Variants in SCYL2 observed in about 807,000 individuals in gnomAD.
SCYL2 encodes the protein SCY1 like pseudokinase 2, also known as SCY1-like protein 2.
SCYL2 carries 36 observed loss-of-function variants against 100.4 expected under a neutral mutation model. The ratio of observed to expected loss-of-function variants is 0.36; its 90% CI spans 0.27 to 0.47. SCYL2 has a LOEUF of 0.47. Ranked by LOEUF, SCYL2 falls within the 20% of genes least tolerant of loss-of-function variation. The pLI is 1.00. For missense variants in SCYL2, 902 were observed against 1,083.9 expected (o/e 0.83, Z 2.36); for synonymous variants, 330 against 359.2 (o/e 0.92, Z 0.92).
At chr12:100,336,093 T>C (rs956443397) in intron 16 of SCYL2, among the ~76,000 whole-genome samples, 187 bp downstream of exon 16, 1 of 152,192 alleles carries the variant, frequency 6.6e-6, no homozygotes, top group African/African-American at 2.4e-5. Context: ...ACTTAAGATT[T>C]TTAGCTTCCA....
chr12:100,267,817 A>AG (rs2096280755), intron 1 of SCYL2, 25 bp downstream of exon 1: 1 of 152,338 alleles, frequency 6.6e-6, no homozygotes, highest in African/African-American at 2.4e-5. Context: ...CTCAGTTCTG[A>AG]GGTCCGGAAT....
chr12:100,337,041 A>G (rs890804879), intron 16 of SCYL2, among the ~76,000 whole-genome samples: 2 of 152,182 alleles, frequency 1.3e-5, no homozygotes, highest in Non-Finnish European at 2.9e-5. Context: ...TTCCTAAAAT[A>G]TTCTTGGGGT....
chr12:100,338,055 C>CT (rs1952302105), intron 17 of SCYL2, among the ~76,000 whole-genome samples: 1 of 152,206 alleles, frequency 6.6e-6, no homozygotes, highest in Admixed American at 6.5e-5. Context: ...TTTCTTTAAA[C>CT]TATTTTTTTG....
At chr12:100,279,292 T>G (rs2096295701) in intron 1 of SCYL2, among the ~76,000 whole-genome samples, 2 of 152,228 alleles carry the variant, frequency 1.3e-5, no homozygotes, top group Non-Finnish European at 1.5e-5. Flanking sequence ...TTCAGGCTCC[T>G]TTGAGAATCT....
intron 11 of SCYL2, among the ~76,000 whole-genome samples, chr12:100,325,051 G>A (rs1022359043): frequency 2.0e-5 from 3 of 152,270 alleles, no homozygotes; most frequent in Admixed American, 2.0e-4. Context: ...AACACAGCGA[G>A]ACCTCGTCTC....
intron 4 of SCYL2, among the ~76,000 whole-genome samples, chr12:100,307,231 T>TATA (rs2096335683): frequency 2.1e-4 from 32 of 152,198 alleles, no homozygotes; most frequent in Admixed American, 2.1e-3. Flanking sequence ...TCATGCTACC[T>TATA]GACTTCAAAC....
chr12:100,298,238 C>A, intron 4 of SCYL2, 63 bp downstream of exon 4: 2 of 1,206,286 alleles, frequency 1.7e-6, no homozygotes, highest in South Asian at 1.5e-5. Flanking sequence ...TTTGGCATTT[C>A]AAACTTATTA....
intron 13 of SCYL2, 47 bp from the exon 14 acceptor site, chr12:100,334,119 C>A (rs199757519): frequency 2.8e-6 from 3 of 1,060,516 alleles, no homozygotes; most frequent in African/African-American, 3.2e-5. Flanking sequence ...ATTACATTTG[C>A]TGCTAACTTG....
intron 8 of SCYL2, 21 bp downstream of exon 8, chr12:100,314,635 TATTAA>T (rs1218524512): frequency 1.3e-6 from 2 of 1,574,700 alleles, no homozygotes; most frequent in Non-Finnish European, 1.7e-6. Context: ...GTTAGTTTCT[TATTAA>T]TAATCAGGAT....
chr12:100,291,700 C>T, intron 3 of SCYL2, 40 bp downstream of exon 3: 4 of 1,505,594 alleles, frequency 2.7e-6, no homozygotes, highest in Non-Finnish European at 3.6e-6. Flanking sequence ...ACTTCCTGAA[C>T]AAATAGTTAA....
intron 10 of SCYL2, among the ~76,000 whole-genome samples, chr12:100,320,082 T>C (rs953031429): frequency 3.9e-5 from 6 of 152,176 alleles, no homozygotes; most frequent in African/African-American, 7.2e-5. Flanking sequence ...TAATTTACCT[T>C]TTAAATGGAT....
intron 1 of SCYL2, among the ~76,000 whole-genome samples, chr12:100,275,366 T>A (rs2096291482): frequency 1.3e-5 from 2 of 152,294 alleles, no homozygotes; most frequent in Admixed American, 1.3e-4. Flanking sequence ...TGCTCCTGGC[T>A]AATTTTTAAA....
At chr12:100,310,123 C>T (rs894065897) in intron 4 of SCYL2, among the ~76,000 whole-genome samples, 6 of 152,020 alleles carry the variant, frequency 3.9e-5, no homozygotes, top group African/African-American at 9.7e-5. Context: ...CTCAGCCTAC[C>T]GAGTAGCTGG....
At chr12:100,317,721 T>G in intron 9 of SCYL2, 82 bp from the exon 10 acceptor site, 1 of 1,461,148 alleles carries the variant, frequency 6.8e-7, no homozygotes. Flanking sequence ...GAGTTATTCT[T>G]TTGAAGAAGC....
chr12:100,335,583 C>T (rs1197544610), intron 14 of SCYL2, 42 bp from the exon 15 acceptor site: 14 of 1,378,592 alleles, frequency 1.0e-5, no homozygotes, highest in Admixed American at 2.1e-5. Context: ...TAAAAATATG[C>T]ATTTCTTTTT....
intron 1 of SCYL2, among the ~76,000 whole-genome samples, chr12:100,277,194 A>G (rs1337714471): frequency 2.0e-5 from 3 of 152,238 alleles, no homozygotes; most frequent in Non-Finnish European, 4.4e-5. Flanking sequence ...ACGTGTCTAC[A>G]TGAAAACCAT....
rs151045878 is a variant in SCYL2, at chr12:100,288,316, T to A, written c.178-3187T>A. ...GAATTTTGTGAGTTTTTTTTTCTTT[T>A]CTTTTTTTCTTTTAAGAGATGGGGC... is the stretch of plus-strand genomic sequence containing the variant. On this transcript the variant is annotated intron_variant, in intron 2 of 17. Transcript: ENST00000360820. Among the ~76,000 whole-genome samples, 273 of 152,260 alleles carry A rather than the reference T, an allele frequency of 1.8e-3. 1 individual carries two copies. The Middle Eastern group carries it at 0.02, about 11-fold the overall frequency.
chr12:100,326,856 T>C, intron 12 of SCYL2, 102 bp downstream of exon 12: 2 of 938,244 alleles, frequency 2.1e-6, no homozygotes, highest in Non-Finnish European at 3.1e-6. Context: ...TAGCATTTCA[T>C]AATTGAAGAA....
rs528558273 is a variant in SCYL2 at position 100,274,426 on chromosome 12, T to G, written c.-29+6634T>G. Among the ~76,000 whole-genome samples, 18 of 152,318 alleles carry G rather than the reference T, an allele frequency of 1.2e-4. No homozygotes were observed. The South Asian group carries it at 3.5e-3, about 30-fold the overall frequency. On this transcript the variant is annotated intron_variant, in intron 1 of 17. Coordinates refer to ENST00000360820, the MANE Select transcript of SCYL2 (RefSeq NM_017988.6). ...GAGTTTATCAATTGAAATAAATGTG[T>G]TCCTATATATCTCTGTGACAACCAT...
Sources: allele counts gnomAD v4.1 joint callset (sites outside exome capture counted in the v4.1 genomes callset), GRCh38; gene constraint gnomAD v4.1.1; transcripts MANE v1.5; gene names NCBI Gene and HGNC (gene_info 2026-07-23, HGNC 2026-07-21).